The following C3orf22 variants were observed in gnomAD, a reference collection of about 807,000 sequenced individuals.
C3orf22 encodes chromosome 3 open reading frame 22, also known as uncharacterized protein C3orf22.
C3orf22 carries 7 observed loss-of-function variants against 10.8 expected under a neutral mutation model. The observed-to-expected ratio is 0.65, with a 90% CI of 0.37 to 1.22. The LOEUF is 1.22. Among genes scored for constraint, C3orf22 ranks in the 50% most tolerant of loss-of-function variants. C3orf22 has a pLI of 0.02. For synonymous variants in C3orf22, 79 were observed against 78.9 expected (o/e 1.00, Z 0.00); for missense variants, 173 against 177.0 (o/e 0.98, Z 0.13).
chr3:126,528,352 A>G lies in C3orf22; in HGVS notation c.*219-479T>C, dbSNP rs143788260. On this transcript the variant is annotated intron_variant and NMD_transcript_variant, in intron 5 of 5. Transcript: ENST00000505070. Reference sequence around the variant, plus strand: ...AAAAGCAAAAAGTCCCCTTCCATGTAGATCTGACCTTCCAGAGTGATCAAC... The same window carrying G: ...AAAAGCAAAAAGTCCCCTTCCATGTGGATCTGACCTTCCAGAGTGATCAAC... Among the ~76,000 whole-genome samples, 525 of 152,268 alleles carry G rather than the reference A, an allele frequency of 3.4e-3. 1 individual carries two copies. The highest frequency in any genetic ancestry group is 0.011 in the African/African-American group (470 of 41,566).
chr3:126,551,851 CCCCCTTCTCTG>C, intron 3 of C3orf22, 135 bp downstream of exon 3: 1 of 870,680 alleles, frequency 1.1e-6, no homozygotes, highest in Non-Finnish European at 1.7e-6. Context: ...GCTTTAGCAT[CCCCCTTCTCTG>C]CCTCAGTTTC....
At chr3:126,557,784 A>G (rs1167832343) in intron 1 of C3orf22, among the ~76,000 whole-genome samples, 2 of 152,226 alleles carry the variant, frequency 1.3e-5, no homozygotes, top group African/African-American at 4.8e-5. Context: ...GCCCGCACCA[A>G]GAAGTCCCTG....
chr3:126,530,025 G>T (rs1185581767), intron 4 of C3orf22, among the ~76,000 whole-genome samples: 2 of 152,216 alleles, frequency 1.3e-5, no homozygotes, highest in Non-Finnish European at 2.9e-5. Context: ...GGGGTGGAGG[G>T]GGTGGATGCC....
At chr3:126,542,642 C>G (rs1034632198) in intron 4 of C3orf22, 1 of 1,403,404 alleles carries the variant, frequency 7.1e-7, no homozygotes, top group Non-Finnish European at 9.3e-7. Context: ...CCGGGGAATG[C>G]AGGTGCTGCC....
intron 4 of C3orf22, among the ~76,000 whole-genome samples, chr3:126,532,355 A>C (rs565239639): frequency 1.3e-5 from 2 of 152,338 alleles, no homozygotes; most frequent in Non-Finnish European, 2.9e-5. Flanking sequence ...ATCCAAGGTC[A>C]TGGAGATTTA....
intron 1 of C3orf22, 40 bp from the exon 2 acceptor site, chr3:126,553,470 T>TGGGGTCTGGGGGGGCGGGGGGGGG: frequency 1.8e-6 from 1 of 543,612 alleles, no homozygotes; most frequent in East Asian, 4.5e-5. Context: ...GCAGGGGTGG[T>TGGGGTCTGGGGGGGCGGGGGGGGG]GGGGGGCAGA....
At chr3:126,529,000 C>A in intron 5 of C3orf22, 5 of 337,494 alleles carry the variant, frequency 1.5e-5, no homozygotes, top group South Asian at 1.1e-4. Context: ...GGCCTGGCTG[C>A]CCTGCTTATC....
intron 3 of C3orf22, among the ~76,000 whole-genome samples, chr3:126,550,609 C>G (rs1254121312): frequency 6.6e-6 from 1 of 152,204 alleles, no homozygotes; most frequent in Non-Finnish European, 1.5e-5. Context: ...TCTGCCTGCT[C>G]CCCATTGTTT....
downstream of C3orf22, among the ~76,000 whole-genome samples, chr3:126,547,054 T>C (rs1424680552): frequency 2.6e-5 from 4 of 152,210 alleles, no homozygotes; most frequent in Non-Finnish European, 5.9e-5. Context: ...GGTGTGAGTG[T>C]GACTGCAGGA....
At chr3:126,537,998 ACATAGGTC>A (rs1936834499) in intron 4 of C3orf22, among the ~76,000 whole-genome samples, 1 of 152,184 alleles carries the variant, frequency 6.6e-6, no homozygotes, top group Non-Finnish European at 1.5e-5. Context: ...CGGACAGTGG[ACATAGGTC>A]CAGCTTTAGA....
downstream of C3orf22, among the ~76,000 whole-genome samples, chr3:126,546,419 A>C (rs1937068271): frequency 6.6e-6 from 1 of 152,204 alleles, no homozygotes; most frequent in Non-Finnish European, 1.5e-5. Flanking sequence ...CTTATGTGGA[A>C]GCCCTCACCC....
chr3:126,547,111 G>A (rs1937081822), downstream of C3orf22, among the ~76,000 whole-genome samples: 1 of 152,174 alleles, frequency 6.6e-6, no homozygotes, highest in African/African-American at 2.4e-5. Flanking sequence ...CCTCCACCGT[G>A]CCTCATCCTT....
At chr3:126,546,544 G>C (rs1464274211), downstream of C3orf22, among the ~76,000 whole-genome samples, 4 of 152,094 alleles carry the variant, frequency 2.6e-5, no homozygotes, top group African/African-American at 9.7e-5. Flanking sequence ...AGCCACTGGA[G>C]AGTTCTCTCT....
chr3:126,535,917 G>T (rs1378879123), intron 4 of C3orf22, among the ~76,000 whole-genome samples: 2 of 152,250 alleles, frequency 1.3e-5, no homozygotes, highest in Middle Eastern at 6.3e-3. Context: ...CAAGGGTTGG[G>T]GCATGAGGCC....
downstream of C3orf22, among the ~76,000 whole-genome samples, chr3:126,548,759 C>T (rs147813370): frequency 9.5e-3 from 1,454 of 152,340 alleles, 68 homozygotes; most frequent in Admixed American, 0.074. Flanking sequence ...GGGTCTGCTT[C>T]GTGCAGGTTG....
chr3:126,531,115 C>A (rs1050034820), intron 4 of C3orf22, among the ~76,000 whole-genome samples: 2 of 152,402 alleles, frequency 1.3e-5, no homozygotes, highest in Non-Finnish European at 1.5e-5. Flanking sequence ...CCAGGCACTG[C>A]GCTGGCGCAG....
intron 5 of C3orf22, among the ~76,000 whole-genome samples, chr3:126,528,484 G>C (rs999524078): frequency 2.6e-5 from 4 of 152,216 alleles, no homozygotes; most frequent in African/African-American, 9.6e-5. Context: ...GGGAACCAGG[G>C]ATTGCTGCAA....
At chr3:126,541,824 T>C (rs1403161615) in intron 4 of C3orf22, 1 of 1,566,856 alleles carries the variant, frequency 6.4e-7, no homozygotes, top group Non-Finnish European at 8.6e-7. Context: ...CAGCGCCTGC[T>C]ACAGCCGGAG....
intron 4 of C3orf22, chr3:126,542,113 G>C (rs1423296167): frequency 6.3e-7 from 1 of 1,579,526 alleles, no homozygotes; most frequent in Non-Finnish European, 8.6e-7. Context: ...ACCGCAACAA[G>C]CTCGCGCGCC....
Sources: gnomAD v4.1 joint callset for allele counts (sites outside exome capture counted in the v4.1 genomes callset) on GRCh38, gnomAD v4.1.1 for gene constraint, MANE v1.5 for transcripts, NCBI Gene and HGNC (gene_info 2026-07-23, HGNC 2026-07-21) for gene names.